RBM46: variants seen among roughly 807,000 people sequenced by gnomAD.
The protein encoded by RBM46 is probable RNA-binding protein 46.
In RBM46, 12 loss-of-function variants were observed where a neutral mutation model predicts 43.3. The observed-to-expected ratio is 0.28, with a 90% CI of 0.18 to 0.45. The LOEUF (loss-of-function observed/expected upper bound fraction) is 0.45, where lower values mean the gene tolerates loss of function less well. Among genes scored for constraint, RBM46 ranks in the 20% least tolerant of loss-of-function variants. The probability of loss-of-function intolerance (pLI) is 1.00; values close to 1 mark genes in which losing one functional copy is unlikely to be tolerated. For missense variants in RBM46, 412 were observed against 639.1 expected (o/e 0.64, Z 3.83); for synonymous variants, 205 against 207.6 (o/e 0.99, Z 0.11).
At chr4:154,819,265 T>G (rs1340357623) in intron 4 of RBM46, among the ~76,000 whole-genome samples, 2 of 152,232 alleles carry the variant, frequency 1.3e-5, no homozygotes, top group Non-Finnish European at 2.9e-5. Context: ...AAATTTAGTC[T>G]CTGTTAAAGT....
chr4:154,827,978 G>A lies in RBM46; in HGVS notation c.1513G>A (p.Gly505Ser). 6.2e-7 allele frequency: 1 copy of A among 1,613,914 alleles called. No individual in the cohort carries two copies. The highest frequency in any genetic ancestry group is 8.5e-7 in the Non-Finnish European group (1 of 1,179,896). The change falls in exon 5 of 5, where the codon GGC becomes AGC. Residue 505 changes from glycine to serine, a missense_variant. By Grantham distance (56) the Gly-to-Ser change is moderately conservative. Around this residue, in one of 8 missense-constraint regions of RBM46, gnomAD observed 149 missense variants for 156.3 expected, o/e 0.95. Coordinates refer to ENST00000281722, the MANE Select transcript of RBM46 (RefSeq NM_144979.5). Reference protein sequence around the residue: ...PYTSRPYSYPGYPLSPTISLA... With the variant: ...PYTSRPYSYPSYPLSPTISLA... Reference sequence around the variant, plus strand: ...TACTTCAAGGCCTTATTCTTATCCAGGCTATCCTTTGTCACCAACAATATC... The same window carrying A: ...TACTTCAAGGCCTTATTCTTATCCAAGCTATCCTTTGTCACCAACAATATC...
chr4:154,801,731 G>A (rs1441180919), intron 4 of RBM46, among the ~76,000 whole-genome samples: 1 of 152,094 alleles, frequency 6.6e-6, no homozygotes. Flanking sequence ...TGTAGACATT[G>A]TTTGCCCATT....
rs1322600270 is a variant in RBM46, at chr4:154,781,433, A to AG, written c.-12+1dup. 1.3e-5 allele frequency: 2 copies of AG among 152,298 alleles called. No individual in the cohort carries two copies. Among genetic ancestry groups the AG allele is most frequent in the Non-Finnish European group, 2.9e-5 (2 of 68,116 alleles). The allele number at this position is 152,298 out of a possible 1,614,324, so 9.4% of individuals were successfully genotyped here. On this transcript the variant is annotated 5_prime_UTR_variant, in exon 1 of 5. Coordinates refer to ENST00000281722, the MANE Select transcript of RBM46 (RefSeq NM_144979.5). ...TTAGGACCAACATTTGAAGACCCGA[A>AG]GGGGTGAGGAGGGGAAAGGGGAAAC...
rs1191361884 is a variant in RBM46, at chr4:154,807,336, CCTTT to C, written c.1402+7777_1402+7780del. On this transcript the variant is annotated intron_variant, in intron 4 of 4. Transcript: ENST00000281722. ...TGATTTGTAGCTCCTCTTTGTCTTA[CCTTT>C]CTTTTTTTTTTAGAATCAGAAAAAT... 2.6e-5 allele frequency among the ~76,000 whole-genome samples: 4 copies of C among 151,710 alleles called. No homozygotes were observed. In the East Asian group the frequency reaches 7.7e-4, roughly 29 times the overall value.
intron 4 of RBM46, among the ~76,000 whole-genome samples, chr4:154,803,228 AG>A (rs1436790669): frequency 6.6e-6 from 1 of 152,162 alleles, no homozygotes; most frequent in Admixed American, 6.5e-5. Flanking sequence ...ATCTAAAGGA[AG>A]CTCTATTTTA....
intron 4 of RBM46, among the ~76,000 whole-genome samples, chr4:154,806,402 G>C (rs1442329019): frequency 6.6e-6 from 1 of 151,658 alleles, no homozygotes; most frequent in East Asian, 1.9e-4. Context: ...AAAATATCAG[G>C]ATTTTATTTA....
chr4:154,783,436 A>G (rs10021359), intron 1 of RBM46, among the ~76,000 whole-genome samples: 24,765 of 152,176 alleles, frequency 0.16, 2,613 homozygotes, highest in East Asian at 0.44. Context: ...GTTTGTGACT[A>G]CAAATCAAGT....
chr4:154,805,434 A>G (rs1244424256), intron 4 of RBM46, among the ~76,000 whole-genome samples: 1 of 152,050 alleles, frequency 6.6e-6, no homozygotes, highest in Non-Finnish European at 1.5e-5. Flanking sequence ...TTGACTTTGA[A>G]ATGGCGTACA....
chr4:154,827,705 A>G (rs1736030613), intron 4 of RBM46, 163 bp from the exon 5 acceptor site: 4 of 1,446,322 alleles, frequency 2.8e-6, no homozygotes, highest in Non-Finnish European at 3.6e-6. Flanking sequence ...TTTGCAGTGC[A>G]GTGAATGCTG....
intron 4 of RBM46, among the ~76,000 whole-genome samples, chr4:154,816,422 A>G (rs1735445912): frequency 6.6e-6 from 1 of 152,114 alleles, no homozygotes; most frequent in African/African-American, 2.4e-5. Context: ...CTCTCTCAGT[A>G]GTTTACTGTT....
chr4:154,799,724 G>A (rs1407133871), intron 4 of RBM46, among the ~76,000 whole-genome samples, 160 bp downstream of exon 4: 1 of 149,216 alleles, frequency 6.7e-6, no homozygotes, highest in Non-Finnish European at 1.5e-5. Flanking sequence ...TGAAACTTGT[G>A]CCCTGTAAAA....
At chr4:154,821,654 G>A (rs1289671459) in intron 4 of RBM46, among the ~76,000 whole-genome samples, 1 of 151,650 alleles carries the variant, frequency 6.6e-6, no homozygotes, top group Non-Finnish European at 1.5e-5. Flanking sequence ...CCCTCTTTGT[G>A]TTCTTTTTGT....
At chr4:154,809,892 G>A (rs1010369380) in intron 4 of RBM46, among the ~76,000 whole-genome samples, 2 of 152,070 alleles carry the variant, frequency 1.3e-5, no homozygotes, top group Non-Finnish European at 2.9e-5. Context: ...TGGAAATTAT[G>A]ATTAGGAAAA....
chr4:154,786,279 G>A (rs957014228), intron 1 of RBM46, among the ~76,000 whole-genome samples: 5 of 151,878 alleles, frequency 3.3e-5, no homozygotes, highest in African/African-American at 4.8e-5. Context: ...AGTAGAGATG[G>A]TGTTTCACCA....
At chr4:154,804,234 A>G (rs892123267) in intron 4 of RBM46, among the ~76,000 whole-genome samples, 6 of 152,198 alleles carry the variant, frequency 3.9e-5, no homozygotes, top group Non-Finnish European at 7.3e-5. Flanking sequence ...TCTAAACCAA[A>G]TATAGACTGG....
intron 4 of RBM46, among the ~76,000 whole-genome samples, chr4:154,803,494 A>G (rs1271092347): frequency 6.6e-6 from 1 of 151,980 alleles, no homozygotes; most frequent in South Asian, 2.1e-4. Context: ...TGAGGTCAGG[A>G]GATAGAGACC....
chr4:154,820,277 A>T, intron 4 of RBM46: 1 of 808,538 alleles, frequency 1.2e-6, no homozygotes, highest in East Asian at 3.0e-5. Context: ...GTTTTTAACT[A>T]AAGTTACCAA....
At chr4:154,820,031 G>T (rs1735652451) in intron 4 of RBM46, among the ~76,000 whole-genome samples, 1 of 151,946 alleles carries the variant, frequency 6.6e-6, no homozygotes, top group African/African-American at 2.4e-5. Context: ...CAGAAATTGG[G>T]TGATCTCATT....
chr4:154,791,471 CAT>C (rs1578898300), intron 1 of RBM46, among the ~76,000 whole-genome samples: 1 of 152,198 alleles, frequency 6.6e-6, no homozygotes, highest in African/African-American at 2.4e-5. Context: ...GCCTGGGTAA[CAT>C]ATTGAAACCC....
Sources: allele counts gnomAD v4.1 joint callset (sites outside exome capture counted in the v4.1 genomes callset), GRCh38; gene constraint gnomAD v4.1.1; regional missense constraint gnomAD v4.1.1; transcripts MANE v1.5; gene names NCBI Gene and HGNC (gene_info 2026-07-23, HGNC 2026-07-21).